Variants in CMC2 observed in about 807,000 individuals in gnomAD.
CMC2 encodes C-X9-C motif containing 2.
Under a neutral mutation model 7.5 loss-of-function variants are expected in CMC2, and 5 were observed. The ratio of observed to expected loss-of-function variants is 0.66; its 90% confidence interval spans 0.35 to 1.40. CMC2 has a LOEUF of 1.40. CMC2 is among the 40% of genes most tolerant of loss of function. CMC2 has a pLI of 0.04. For missense variants in CMC2, 115 were observed against 92.3 expected (o/e 1.25, Z -1.01); for synonymous variants, 37 against 31.4 (o/e 1.18, Z -0.60).
chr16:80,986,455 A>C (rs1307331150), intron 2 of CMC2, among the ~76,000 whole-genome samples: 1 of 84,450 alleles, frequency 1.2e-5, no homozygotes, highest in Non-Finnish European at 3.2e-5. Context: ...ACTCCGTCTC[A>C]AAAGAAAAAA....
chr16:80,994,835 T>A (rs2970086), intron 2 of CMC2, among the ~76,000 whole-genome samples: 98,809 of 151,694 alleles, frequency 0.65, 33,916 homozygotes, highest in Middle Eastern at 0.8. Flanking sequence ...AGAAATAAAA[T>A]GATGTTTACA....
chr16:80,985,910 A>AAAAAC (rs1597232474), intron 2 of CMC2, among the ~76,000 whole-genome samples: 1 of 151,700 alleles, frequency 6.6e-6, no homozygotes, highest in South Asian at 2.1e-4. Flanking sequence ...GCAAAAAAAA[A>AAAAAC]AAAAAAAACC....
chr16:81,001,689 C>T (rs564916847), intron 1 of CMC2, among the ~76,000 whole-genome samples: 1 of 152,128 alleles, frequency 6.6e-6, no homozygotes, highest in East Asian at 1.9e-4. Flanking sequence ...TAAAAAAAAA[C>T]CTGTGAGAAA....
intron 2 of CMC2, among the ~76,000 whole-genome samples, chr16:80,994,975 G>T (rs181340695): frequency 1.8e-3 from 269 of 152,000 alleles, no homozygotes; most frequent in African/African-American, 6.2e-3. Flanking sequence ...ATGAAACCCC[G>T]TCTCTACTAA....
intron 1 of CMC2, among the ~76,000 whole-genome samples, chr16:81,000,388 C>T (rs904396947): frequency 1.1e-4 from 17 of 152,090 alleles, no homozygotes; most frequent in African/African-American, 4.1e-4. Flanking sequence ...CCCAGCTACT[C>T]GAGAGGCTGA....
intron 1 of CMC2, among the ~76,000 whole-genome samples, chr16:81,004,202 G>C (rs1332894733): frequency 6.7e-6 from 1 of 149,518 alleles, no homozygotes; most frequent in South Asian, 2.2e-4. Context: ...TAGCCTGGTC[G>C]AAAGAGTGAG....
At chr16:80,999,035 G>C (rs534869119) in intron 1 of CMC2, 2 of 152,246 alleles carry the variant, frequency 1.3e-5, no homozygotes, top group South Asian at 4.1e-4. Context: ...ACCGGAACAA[G>C]GGAACAGGAT....
chr16:80,993,178 T>C (rs13337596), intron 2 of CMC2, among the ~76,000 whole-genome samples: 9,740 of 152,244 alleles, frequency 0.064, 991 homozygotes, highest in African/African-American at 0.22. Flanking sequence ...CTTCTGCTTC[T>C]AGCCATGAAA....
rs1162178996 is a variant in CMC2 at position 80,981,840 on chromosome 16, A to AC, written c.118dup (p.Val40GlyfsTer2). ...CAGGCATTTTCTCAACTCCCGATCA[A>AC]CATCATTACAATAACCAAAAAATTT... On this transcript the variant is annotated frameshift_variant, in exon 3 of 4. Coordinates refer to ENST00000219400, the MANE Select transcript of CMC2 (RefSeq NM_020188.5). LOFTEE classifies it high-confidence loss of function. 1 of 1,611,278 alleles carries AC rather than the reference A, an allele frequency of 6.2e-7. No homozygotes were observed. The highest frequency in any genetic ancestry group is 2.2e-5 in the East Asian group (1 of 44,756).
At chr16:80,986,858 A>T (rs1967582236) in intron 2 of CMC2, among the ~76,000 whole-genome samples, 1 of 152,280 alleles carries the variant, frequency 6.6e-6, no homozygotes, top group Non-Finnish European at 1.5e-5. Context: ...CCTGGAACTC[A>T]GAGAAAATCT....
chr16:80,995,688 AT>A (rs923425799), intron 2 of CMC2, among the ~76,000 whole-genome samples: 4 of 152,164 alleles, frequency 2.6e-5, no homozygotes, highest in African/African-American at 9.7e-5. Flanking sequence ...TGTAGTGTAA[AT>A]TTCTAACAAA....
intron 2 of CMC2, chr16:80,983,076 T>C (rs188549523): frequency 6.5e-6 from 1 of 154,898 alleles, no homozygotes; most frequent in Admixed American, 6.5e-5. Flanking sequence ...ATAAATACAA[T>C]ACCATACCAT....
rs1911987411 is a variant in CMC2, at chr16:80,972,313, T to A, written c.*3780A>T. On this transcript the variant is annotated 3_prime_UTR_variant, in exon 4 of 4. Transcript: ENST00000219400. ...AAATTTCAATATCAGGGTTTCAATA[T>A]CAGGGTGTAGTGAAAGGAGCAACTC... 6.6e-6 allele frequency: 1 copy of A among 152,166 alleles called. No homozygotes were observed. Among genetic ancestry groups the A allele is most frequent in the African/African-American group, 2.4e-5 (1 of 41,418 alleles). 9.4% of individuals were successfully genotyped at this position (152,166 alleles called of 1,614,324 possible). A position where few individuals can be genotyped will look rare whatever the true frequency, so the allele number is the denominator to read the frequency against.
chr16:80,996,980 T>C (rs955169638), intron 2 of CMC2: 6 of 457,120 alleles, frequency 1.3e-5, no homozygotes, highest in African/African-American at 1.2e-4. Context: ...AATTCCATTA[T>C]AATCAGAAGT....
At chr16:80,980,953 C>A in intron 3 of CMC2, 2 of 572,972 alleles carry the variant, frequency 3.5e-6, no homozygotes, top group Non-Finnish European at 6.3e-6. Flanking sequence ...GTTCTTCAAA[C>A]AGTAAAGGTG....
intron 1 of CMC2, among the ~76,000 whole-genome samples, chr16:81,005,257 C>A (rs1230506942): frequency 6.6e-6 from 1 of 152,162 alleles, no homozygotes; most frequent in East Asian, 1.9e-4. Flanking sequence ...CCCGTCTCTA[C>A]TAAAAATACA....
rs1912042764 is a variant in CMC2, at chr16:80,973,072, T to C, written c.*3021A>G. 1 of 152,272 alleles carries C rather than the reference T, an allele frequency of 6.6e-6. No individual in the cohort carries two copies. The highest frequency in any genetic ancestry group is 6.5e-5 in the Admixed American group (1 of 15,288). The allele number at this position is 152,272 out of a possible 1,614,324, so 9.4% of individuals were successfully genotyped here. A position where few individuals can be genotyped will look rare whatever the true frequency, so the allele number is the denominator to read the frequency against. ...TTGCTCTAGACAGGAGAAACAGATT[T>C]CACTCTGATCTACAGCAGGCTGGGG... On this transcript the variant is annotated 3_prime_UTR_variant, in exon 4 of 4. Coordinates refer to ENST00000219400, the MANE Select transcript of CMC2 (RefSeq NM_020188.5).
chr16:80,997,158 G>GA (rs1374483400), intron 2 of CMC2, 156 bp downstream of exon 2: 20 of 611,044 alleles, frequency 3.3e-5, no homozygotes, highest in Admixed American at 2.3e-4. Flanking sequence ...GTAAAAAAAA[G>GA]AAAAAAATCG....
rs2151600288 is a variant in CMC2, at chr16:80,967,858, T to A, written c.*8235A>T. ...ATGCCCTGAGAATTTCGTAACAGCTTTGCCCTTAAGATTTTGCTGTCATAT... is the reference window on the plus strand; with the variant it reads ...ATGCCCTGAGAATTTCGTAACAGCTATGCCCTTAAGATTTTGCTGTCATAT... On this transcript the variant is annotated 3_prime_UTR_variant, in exon 4 of 4. Transcript: ENST00000219400. The A allele has an allele frequency of 6.6e-6, 1 of 152,346 alleles. No homozygotes were observed. The highest frequency in any genetic ancestry group is 2.1e-4 in the South Asian group (1 of 4,822). 9.4% of individuals were successfully genotyped at this position (152,346 alleles called of 1,614,324 possible). A position where few individuals can be genotyped will look rare whatever the true frequency, so the allele number is the denominator to read the frequency against.
Sources: allele counts gnomAD v4.1 joint callset (sites outside exome capture counted in the v4.1 genomes callset), GRCh38; gene constraint gnomAD v4.1.1; transcripts MANE v1.5; gene names NCBI Gene and HGNC (gene_info 2026-07-23, HGNC 2026-07-21).